Variants in ZNF385D observed in about 807,000 individuals in gnomAD.
ZNF385D encodes zinc finger protein 385D, also known as zinc finger protein 659.
ZNF385D carries 15 observed loss-of-function variants against 35.8 expected under a neutral mutation model. The ratio of observed to expected loss-of-function variants is 0.42; its 90% CI spans 0.28 to 0.64. The LOEUF (loss-of-function observed/expected upper bound fraction) is 0.64, where lower values mean the gene tolerates loss of function less well. ZNF385D is among the 30% of genes least tolerant of loss of function. ZNF385D has a pLI of 0.23. For synonymous variants in ZNF385D, 212 were observed against 186.8 expected, an observed-to-expected ratio of 1.13 and a Z score of -1.10; for missense variants, 474 against 494.6, an observed-to-expected ratio of 0.96 and a Z score of 0.39.
chr3:21,794,704 G>C (rs1203609329), intron 3 of ZNF385D, among the ~76,000 whole-genome samples: 1 of 152,044 alleles, frequency 6.6e-6, no homozygotes, highest in Non-Finnish European at 1.5e-5. Flanking sequence ...TCCAGGAGGC[G>C]ATTACATTTT....
chr3:22,121,154 T>C (rs2125665298), intron 3 of ZNF385D, among the ~76,000 whole-genome samples: 1 of 152,306 alleles, frequency 6.6e-6, no homozygotes, highest in South Asian at 2.1e-4. Flanking sequence ...AAAGCCAAAA[T>C]CTGAAGAAGC....
At chr3:22,227,188 G>C (rs1258120616) in intron 2 of ZNF385D, among the ~76,000 whole-genome samples, 2 of 151,858 alleles carry the variant, frequency 1.3e-5, no homozygotes, top group African/African-American at 4.8e-5. Context: ...ATGTGGGGCG[G>C]GGGGGGTGTA....
rs746138066 is a variant in ZNF385D, at chr3:21,602,517, CTTTTTTTTTT to C, written c.166-37843_166-37834del. Among the ~76,000 whole-genome samples, 6 of 62,710 alleles carry C rather than the reference CTTTTTTTTTT, an allele frequency of 9.6e-5. 1 individual carries two copies. In the East Asian group the frequency reaches 2.7e-3, roughly 28 times the overall value. 41.1% of individuals were successfully genotyped at this position (62,710 alleles called of 152,430 possible). ...TAGGTCTCCTGTTTCCCTGCATTTT[CTTTTTTTTTT>C]TTTTTTTTTTTTTTTTGAGACGGAG... On this transcript the variant is annotated intron_variant, in intron 2 of 7. Transcript: ENST00000281523.
chr3:22,132,357 C>A (rs972937776), intron 3 of ZNF385D, among the ~76,000 whole-genome samples: 4 of 152,146 alleles, frequency 2.6e-5, no homozygotes, highest in African/African-American at 9.7e-5. Context: ...TAATTTTGGA[C>A]TTCCCAGCCT....
rs116306914 is a variant in ZNF385D, at chr3:22,277,023, A to G, written c.106+95427T>C. The stretch of plus-strand genomic sequence containing the variant: ...ACAAGCAGTAGTTATATAATGTCAT[A>G]TTTCATTCTATTTCCATATCTGTGC... On this transcript the variant is annotated intron_variant, in intron 2 of 5. Transcript: ENST00000494108. Among the ~76,000 whole-genome samples, 725 of 152,242 alleles carry G rather than the reference A, an allele frequency of 4.8e-3. 7 individuals carry two copies. Among genetic ancestry groups the G allele is most frequent in the African/African-American group, 0.016 (681 of 41,566 alleles).
chr3:21,922,561 G>T (rs1179810253), intron 3 of ZNF385D, among the ~76,000 whole-genome samples: 1 of 152,206 alleles, frequency 6.6e-6, no homozygotes, highest in African/African-American at 2.4e-5. Flanking sequence ...TCAATAAATT[G>T]TGTTGAGAAG....
At chr3:21,902,709 A>G (rs1451796462) in intron 3 of ZNF385D, among the ~76,000 whole-genome samples, 1 of 152,180 alleles carries the variant, frequency 6.6e-6, no homozygotes. Flanking sequence ...GAGTCATTTA[A>G]AAGAAAATGG....
chr3:22,234,873 G>A (rs1037911771), intron 2 of ZNF385D, among the ~76,000 whole-genome samples: 2 of 151,816 alleles, frequency 1.3e-5, no homozygotes, highest in East Asian at 1.9e-4. Flanking sequence ...CAACTATCCT[G>A]CATTATAATT....
At chr3:21,826,584 C>T (rs760394092) in intron 3 of ZNF385D, among the ~76,000 whole-genome samples, 4 of 151,978 alleles carry the variant, frequency 2.6e-5, no homozygotes, top group Non-Finnish European at 5.9e-5. Context: ...TAACTTTTGC[C>T]ACCGTTCACA....
intron 1 of ZNF385D, among the ~76,000 whole-genome samples, chr3:21,723,315 C>A (rs563065583): frequency 6.6e-6 from 1 of 152,040 alleles, no homozygotes; most frequent in Non-Finnish European, 1.5e-5. Flanking sequence ...ACAAATTGAC[C>A]GAAGTATGCT....
intron 3 of ZNF385D, among the ~76,000 whole-genome samples, chr3:21,802,868 A>G (rs2072469555): frequency 6.6e-6 from 1 of 152,230 alleles, no homozygotes; most frequent in Non-Finnish European, 1.5e-5. Flanking sequence ...AACAGATGTA[A>G]GTGCTCAAGG....
chr3:22,356,646 C>G (rs1320596677), intron 2 of ZNF385D, among the ~76,000 whole-genome samples: 5 of 151,900 alleles, frequency 3.3e-5, no homozygotes, highest in African/African-American at 4.8e-5. Context: ...GTAGATAATA[C>G]ATAGAATGCA....
chr3:21,622,714 A>G (rs1443376366), intron 2 of ZNF385D, among the ~76,000 whole-genome samples: 1 of 152,120 alleles, frequency 6.6e-6, no homozygotes, highest in Non-Finnish European at 1.5e-5. Context: ...GGTAATGATT[A>G]TTATTTAGCT....
intron 2 of ZNF385D, among the ~76,000 whole-genome samples, chr3:21,643,294 AGAG>A (rs1216996454): frequency 6.6e-6 from 1 of 152,126 alleles, no homozygotes; most frequent in Non-Finnish European, 1.5e-5. Context: ...GAGAGGAAAG[AGAG>A]GAGAAGGTAA....
At chr3:22,250,839 A>G (rs1559479209) in intron 2 of ZNF385D, among the ~76,000 whole-genome samples, 1 of 152,036 alleles carries the variant, frequency 6.6e-6, no homozygotes, top group Non-Finnish European at 1.5e-5. Flanking sequence ...CAGTGGCTTT[A>G]AAACTAAATC....
At chr3:22,357,851 G>A (rs981931812) in intron 2 of ZNF385D, among the ~76,000 whole-genome samples, 4 of 151,906 alleles carry the variant, frequency 2.6e-5, no homozygotes, top group Admixed American at 1.3e-4. Context: ...AACTTCTGGA[G>A]TAATCTAACT....
At chr3:22,230,017 A>C (rs900362596) in intron 2 of ZNF385D, among the ~76,000 whole-genome samples, 1 of 152,152 alleles carries the variant, frequency 6.6e-6, no homozygotes, top group Non-Finnish European at 1.5e-5. Context: ...GAAAAATAAC[A>C]AGGGTCCAGT....
chr3:21,949,636 C>T (rs1440632378), intron 3 of ZNF385D, among the ~76,000 whole-genome samples: 7 of 150,496 alleles, frequency 4.7e-5, no homozygotes, highest in Non-Finnish European at 7.4e-5. Context: ...ATACAAGTGC[C>T]ACTGTGGTTT....
intron 3 of ZNF385D, among the ~76,000 whole-genome samples, chr3:22,080,417 T>C (rs1449829385): frequency 6.6e-6 from 1 of 152,056 alleles, no homozygotes; most frequent in Non-Finnish European, 1.5e-5. Context: ...GATCAATAAA[T>C]AAATAATCTG....
Sources: allele counts gnomAD v4.1 joint callset (sites outside exome capture counted in the v4.1 genomes callset), GRCh38; gene constraint gnomAD v4.1.1; transcripts MANE v1.5; gene names NCBI Gene and HGNC (gene_info 2026-07-23, HGNC 2026-07-21).